Variants in ZNF341 observed in about 807,000 individuals in gnomAD.
ZNF341 encodes the protein zinc finger protein 341.
Under a neutral mutation model 87.7 loss-of-function variants are expected in ZNF341, and 52 were observed. That is an observed-to-expected ratio of 0.59 (90% CI 0.47 to 0.75). The LOEUF is 0.75. Among genes scored for constraint, ZNF341 ranks in the 30% least tolerant of loss-of-function variants. The pLI is 0.00. For missense variants in ZNF341, 977 were observed against 1,145.9 expected (o/e 0.85, Z 2.13); for synonymous variants, 459 against 472.7 (o/e 0.97, Z 0.38).
At chr20:33,736,463 A>G (rs1459053757) in intron 1 of ZNF341, among the ~76,000 whole-genome samples, 3 of 152,118 alleles carry the variant, frequency 2.0e-5, no homozygotes, top group Non-Finnish European at 4.4e-5. Context: ...TTGTAAAGCT[A>G]TTGAAAGACC....
chr20:33,745,769 G>A (rs1292094972), intron 3 of ZNF341, among the ~76,000 whole-genome samples: 1 of 151,922 alleles, frequency 6.6e-6, no homozygotes, highest in African/African-American at 2.4e-5. Flanking sequence ...CAGGAGCCAG[G>A]TGCAGGGATC....
chr20:33,743,551 C>G (rs2018855590), intron 2 of ZNF341, among the ~76,000 whole-genome samples: 2 of 152,098 alleles, frequency 1.3e-5, no homozygotes, highest in African/African-American at 4.8e-5. Flanking sequence ...GTTGGCCAGG[C>G]TGGTCATGAA....
At chr20:33,788,645 T>C (rs2019925314) in intron 12 of ZNF341, 2 of 582,576 alleles carry the variant, frequency 3.4e-6, no homozygotes, top group Admixed American at 2.6e-5. Context: ...TCTCTCCTCA[T>C]GCATGGCCTC....
chr20:33,771,878 G>A (rs572401597), intron 10 of ZNF341, among the ~76,000 whole-genome samples: 7 of 151,368 alleles, frequency 4.6e-5, no homozygotes, highest in Middle Eastern at 3.4e-3. Flanking sequence ...AGCCAGGTGT[G>A]TTGGCACGCA....
At chr20:33,789,630 C>G (rs762540624) in intron 14 of ZNF341, 42 bp downstream of exon 14, 1 of 1,604,008 alleles carries the variant, frequency 6.2e-7, no homozygotes, top group East Asian at 2.2e-5. Context: ...TGGTTCAGCT[C>G]TAGTTCACTG....
rs1224258312 is a variant in ZNF341, at chr20:33,732,935, G to A, written c.31+883G>A. Among the ~76,000 whole-genome samples the A allele has an allele frequency of 1.3e-5, 2 of 152,212 alleles. No individual in the cohort carries two copies. The highest frequency in any genetic ancestry group is 4.8e-5 in the African/African-American group (2 of 41,456). ...AATACAGACCAAGAATGGTCTTGGA[G>A]GAGTGGGATGAGATGAGTATACAGA... is the stretch of plus-strand genomic sequence containing the variant. On this transcript the variant is annotated intron_variant, in intron 1 of 14. Coordinates refer to ENST00000375200, the MANE Select transcript of ZNF341 (RefSeq NM_001282933.2). This position sits in a 1 kb window ranked among gnomAD's most constrained non-coding sequence, Gnocchi z 4.5.
Position 33,766,943 on chromosome 20 carries a change from G to A in ZNF341, c.1315G>A (p.Val439Ile). Reference sequence around the variant, plus strand: ...GGACAAGCCGGAGTCCAAGCAGGTGGTCCTCATCGACAGCTCCTACCTGTG... The same window carrying A: ...GGACAAGCCGGAGTCCAAGCAGGTGATCCTCATCGACAGCTCCTACCTGTG... Reference protein sequence around the residue: ...EGDKPESKQVVLIDSSYLCQF... With the variant: ...EGDKPESKQVILIDSSYLCQF... Residue 439 changes from valine to isoleucine, a missense_variant, in exon 9 of 15, where the codon GTC becomes ATC. Transcript: ENST00000375200. The A allele has an allele frequency of 6.2e-7, 1 of 1,614,214 alleles. No homozygotes were observed. Among genetic ancestry groups the A allele is most frequent in the East Asian group, 2.2e-5 (1 of 44,892 alleles).
chr20:33,761,622 T>C (rs1037713545), intron 7 of ZNF341, among the ~76,000 whole-genome samples: 2 of 152,318 alleles, frequency 1.3e-5, no homozygotes, highest in South Asian at 2.1e-4. Flanking sequence ...CAGTATGAGA[T>C]GGTCAGAGGA....
At chr20:33,765,042 G>A (rs996954917) in intron 8 of ZNF341, among the ~76,000 whole-genome samples, 17 of 152,010 alleles carry the variant, frequency 1.1e-4, no homozygotes, top group South Asian at 4.2e-4. Flanking sequence ...TGCCCAGGCT[G>A]GTCTCAAACT....
chr20:33,734,135 AG>A (rs2018633655), intron 1 of ZNF341, among the ~76,000 whole-genome samples: 1 of 152,260 alleles, frequency 6.6e-6, no homozygotes. Flanking sequence ...AAAGGGCAGC[AG>A]GACTGTGGAG....
chr20:33,762,590 C>T lies in ZNF341; in HGVS notation c.1222+535C>T, dbSNP rs534555132. On this transcript the variant is annotated intron_variant, in intron 8 of 14. Coordinates refer to ENST00000375200, the MANE Select transcript of ZNF341 (RefSeq NM_001282933.2). ...CGTGCAGGTTTGTTACATAGGTATA[C>T]GTGTGCCATGGTGGTTTGCTGCACG... is the stretch of plus-strand genomic sequence containing the variant. Among the ~76,000 whole-genome samples the T allele has an allele frequency of 1.1e-4, 16 of 150,996 alleles. No individual in the cohort carries two copies. The South Asian group carries it at 2.1e-3, about 20-fold the overall frequency.
At chr20:33,781,879 C>T (rs924860297) in intron 11 of ZNF341, among the ~76,000 whole-genome samples, 3 of 151,946 alleles carry the variant, frequency 2.0e-5, no homozygotes, top group East Asian at 3.9e-4. Context: ...GGAGTTTCAC[C>T]GTGTTGCCCA....
chr20:33,757,229 G>C lies in ZNF341; in HGVS notation c.823G>C (p.Gly275Arg). ...SPGKQGFKPKGPNPAAPMTSA... is the reference protein window; with the variant it reads ...SPGKQGFKPKRPNPAAPMTSA... Reference sequence around the variant, plus strand: ...TGGCAAACAGGGATTCAAACCCAAAGGACCAAACCCCGCCGCCCCCATGAC... The same window carrying C: ...TGGCAAACAGGGATTCAAACCCAAACGACCAAACCCCGCCGCCCCCATGAC... Residue 275 changes from glycine to arginine, a missense_variant, in exon 6 of 15, where the codon GGA becomes CGA. Gly to Arg is a moderately radical substitution (Grantham distance 125, BLOSUM62 -2). This residue lies in a region of ZNF341 where 515 missense variants were observed against 598.2 expected (regional missense o/e 0.86). Coordinates refer to ENST00000375200, the MANE Select transcript of ZNF341 (RefSeq NM_001282933.2). 6.2e-7 allele frequency: 1 copy of C among 1,602,032 alleles called. No homozygotes were observed. Among genetic ancestry groups the C allele is most frequent in the Non-Finnish European group, 8.5e-7 (1 of 1,175,118 alleles).
rs139722921 is a variant in ZNF341 at position 33,752,089 on chromosome 20, G to A, written c.490-1083G>A. On this transcript the variant is annotated intron_variant, in intron 4 of 14. Coordinates refer to ENST00000375200, the MANE Select transcript of ZNF341 (RefSeq NM_001282933.2). ...AACCAGATTCTCAGATCCCAGTCAC[G>A]AGCTAGTGCTGCAAGCAAGCCCCCC... The A allele has an allele frequency of 1.7e-4, 66 of 396,338 alleles. No homozygotes were observed. The East Asian group carries it at 2.8e-3, about 17-fold the overall frequency. 24.6% of individuals were successfully genotyped at this position (396,338 alleles called of 1,614,324 possible).
chr20:33,766,574 T>C (rs1207666131), intron 8 of ZNF341, among the ~76,000 whole-genome samples: 3 of 152,080 alleles, frequency 2.0e-5, no homozygotes, highest in Non-Finnish European at 2.9e-5. Context: ...TTAACAACCA[T>C]GGAGAGGTCT....
intron 13 of ZNF341, 134 bp downstream of exon 13, chr20:33,789,108 C>T (rs1169230449): frequency 2.6e-5 from 17 of 648,590 alleles, no homozygotes; most frequent in African/African-American, 2.6e-4. Context: ...CATAGTCTCA[C>T]TCTGTCATCC....
rs1030033279 is a variant in ZNF341 at position 33,758,704 on chromosome 20, C to T, written c.938-12C>T. 2 of 1,611,442 alleles carry T rather than the reference C, an allele frequency of 1.2e-6. No individual in the cohort carries two copies. Among genetic ancestry groups the T allele is most frequent in the Admixed American group, 3.3e-5 (2 of 59,828 alleles). ...CCAGCCTCATTGTCCCCTCCTTCCA[C>T]TTGTCTTTCAGCTGCAGGGAAGCCA... On this transcript the variant is annotated splice_polypyrimidine_tract_variant and intron_variant, in intron 6 of 14. Transcript: ENST00000375200.
intron 11 of ZNF341, among the ~76,000 whole-genome samples, chr20:33,782,858 C>A (rs2019771446): frequency 6.6e-6 from 1 of 152,094 alleles, no homozygotes; most frequent in African/African-American, 2.4e-5. Flanking sequence ...AAAAAATTAC[C>A]TTTCATACAA....
chr20:33,747,175 G>C (rs1272117042), intron 3 of ZNF341, among the ~76,000 whole-genome samples: 1 of 152,154 alleles, frequency 6.6e-6, no homozygotes, highest in Non-Finnish European at 1.5e-5. Flanking sequence ...CAAGGGGTCA[G>C]ATTTTCAACT....
Sources: gnomAD v4.1 joint callset for allele counts (sites outside exome capture counted in the v4.1 genomes callset) on GRCh38, gnomAD v4.1.1 for gene constraint, gnomAD v4.1.1 regional missense constraint, Gnocchi (gnomAD v3.1) non-coding constraint, MANE v1.5 for transcripts, NCBI Gene and HGNC (gene_info 2026-07-23, HGNC 2026-07-21) for gene names.